Variants in PIAS3 observed in about 807,000 individuals in gnomAD.
The protein encoded by PIAS3 is protein inhibitor of activated STAT 3, also known as E3 SUMO-protein ligase PIAS3.
A neutral mutation model predicts 67.6 loss-of-function variants in PIAS3; 34 were observed. The ratio of observed to expected loss-of-function variants is 0.50; its 90% CI spans 0.38 to 0.67. PIAS3 has a LOEUF of 0.67. Ranked by LOEUF, PIAS3 falls within the 30% of genes least tolerant of loss-of-function variation. The pLI is 0.00. For missense variants in PIAS3, 693 were observed against 791.6 expected (o/e 0.88, Z 1.49); for synonymous variants, 341 against 313.8 (o/e 1.09, Z -0.92).
Position 145,851,060 on chromosome 1 carries a change from C to T in PIAS3, c.1239G>A (p.Glu413=), listed in dbSNP as rs1331438833. The change falls in exon 10 of 14, where the codon GAG becomes GAA. Residue 413 remains glutamate (E), a synonymous_variant. Coordinates refer to ENST00000393045, the MANE Select transcript of PIAS3 (RefSeq NM_006099.3). ...CTGGCGGGGGGCAAACCTCAGATGC[C>T]TCCTTCTTGGGTTTCATTGGGCACC... ...GSWCPMKPKK[E]ASEVCPPPGY... is the part of the protein sequence containing the mutation. 7 of 1,614,060 alleles carry T rather than the reference C, an allele frequency of 4.3e-6. No individual in the cohort carries two copies. The highest frequency in any genetic ancestry group is 5.9e-6 in the Non-Finnish European group (7 of 1,180,040).
Position 145,850,490 on chromosome 1 carries a change from C to T in PIAS3, c.1545G>A (p.Glu515=), listed in dbSNP as rs1570771539. 6.2e-7 allele frequency: 1 copy of T among 1,614,170 alleles called. No individual in the cohort carries two copies. The highest frequency in any genetic ancestry group is 1.3e-5 in the African/African-American group (1 of 75,032). ...CTCCCAGTGGGAAGGCAGGTGGGTA[C>T]TCATGTAGTGGGAGACTGGACAGGA... The part of the protein sequence containing the change: ...GDFLSSLPLH[E]YPPAFPLGAD... Residue 515 remains glutamate, a synonymous_variant, in exon 12 of 14, where the codon GAG becomes GAA. Coordinates refer to ENST00000393045, the MANE Select transcript of PIAS3 (RefSeq NM_006099.3).
In PIAS3 at chr1:145,848,554, T is replaced by C; in HGVS notation, c.*892A>G. On this transcript the variant is annotated 3_prime_UTR_variant, in exon 14 of 14. Transcript: ENST00000393045. ...CACAACCTTTATTATGGGTGAGAGC[T>C]TCACTACAACTTTAGAAATAAAAAG... 9.9e-7 allele frequency: 1 copy of C among 1,005,944 alleles called. No individual in the cohort carries two copies. The highest frequency in any genetic ancestry group is 1.4e-5 in the South Asian group (1 of 69,434). 62.3% of individuals were successfully genotyped at this position (1,005,944 alleles called of 1,614,324 possible).
chr1:145,854,350 A>C (rs782196789), intron 7 of PIAS3, 108 bp downstream of exon 7: 10 of 748,146 alleles, frequency 1.3e-5, no homozygotes, highest in Non-Finnish European at 2.1e-5. Flanking sequence ...TCATGTGAGA[A>C]GGGGAGTAAG....
intron 10 of PIAS3, 24 bp from the exon 11 acceptor site, chr1:145,850,963 T>A (rs1553734220): frequency 6.2e-7 from 1 of 1,614,076 alleles, no homozygotes; most frequent in Admixed American, 1.7e-5. Flanking sequence ...GAAGACTACG[T>A]CTCAGAGAAG....
intron 1 of PIAS3, among the ~76,000 whole-genome samples, chr1:145,858,193 T>C (rs1653270501): frequency 6.6e-6 from 1 of 152,126 alleles, no homozygotes; most frequent in South Asian, 2.1e-4. Flanking sequence ...CCTACACAAT[T>C]CTTCTCATAG....
chr1:145,853,385 G>A (rs1347050957), intron 9 of PIAS3, 119 bp downstream of exon 9: 2 of 790,428 alleles, frequency 2.5e-6, no homozygotes, highest in Non-Finnish European at 3.8e-6. Flanking sequence ...ACTCCAGCCT[G>A]GGGAACAGAG....
In PIAS3 at chr1:145,854,446, G is replaced by A. The variant is rs782421349; in HGVS notation, c.910+12C>T. 2.5e-6 allele frequency: 4 copies of A among 1,569,710 alleles called. No individual in the cohort carries two copies. The highest frequency in any genetic ancestry group is 3.5e-6 in the Non-Finnish European group (4 of 1,139,570). On this transcript the variant is annotated intron_variant, in intron 7 of 13. Coordinates refer to ENST00000393045, the MANE Select transcript of PIAS3 (RefSeq NM_006099.3). ...CAGATCAGGTGGGGAAGAGAGGAAAGATGTTACTCACTCAGTGCCCGCGAG... is the reference window on the plus strand; with the variant it reads ...CAGATCAGGTGGGGAAGAGAGGAAAAATGTTACTCACTCAGTGCCCGCGAG...
rs782530862 is a variant in PIAS3, at chr1:145,854,806, A to G, written c.744T>C (p.Ala248=). 6.2e-7 allele frequency: 1 copy of G among 1,614,166 alleles called. No homozygotes were observed. Among genetic ancestry groups the G allele is most frequent in the Admixed American group, 1.7e-5 (1 of 60,012 alleles). ...PSRPINITPL[A]RLSATVPNTI... is the part of the protein sequence containing the mutation. ...TGTTGGGAACAGTGGCTGAGAGTCG[A>G]GCCAGGGGTGTGATGTTGATGGGGC... is the stretch of plus-strand genomic sequence containing the variant. The change falls in exon 6 of 14, where the codon GCT becomes GCC. Residue 248 remains alanine (A), a synonymous_variant. Coordinates refer to ENST00000393045, the MANE Select transcript of PIAS3 (RefSeq NM_006099.3).
intron 11 of PIAS3, 31 bp downstream of exon 11, chr1:145,850,740 T>A: frequency 6.2e-7 from 1 of 1,611,924 alleles, no homozygotes; most frequent in Non-Finnish European, 8.5e-7. Context: ...CCCTGTCCGT[T>A]TTGCTGTAGA....
Position 145,849,442 on chromosome 1 carries a change from G to A in PIAS3, c.*4C>T, listed in dbSNP as rs1553733542. On this transcript the variant is annotated 3_prime_UTR_variant, in exon 14 of 14. Coordinates refer to ENST00000393045, the MANE Select transcript of PIAS3 (RefSeq NM_006099.3). Reference sequence around the variant, plus strand: ...GACAGCGAAGTTTCCATAATCCAGGGAACTCAGTCCAGGGAAATGATGTCT... The same window carrying A: ...GACAGCGAAGTTTCCATAATCCAGGAAACTCAGTCCAGGGAAATGATGTCT... 2 of 1,487,526 alleles carry A rather than the reference G, an allele frequency of 1.3e-6. No individual in the cohort carries two copies. Among genetic ancestry groups the A allele is most frequent in the Admixed American group, 4.8e-5 (2 of 41,332 alleles). The allele number at this position is 1,487,526 out of a possible 1,614,324, so 92.1% of individuals were successfully genotyped here. A position where few individuals can be genotyped will look rare whatever the true frequency, so the allele number is the denominator to read the frequency against.
Position 145,849,626 on chromosome 1 carries a change from A to G in PIAS3, c.1707T>C (p.Phe569=). 1 of 1,613,492 alleles carries G rather than the reference A, an allele frequency of 6.2e-7. No homozygotes were observed. The highest frequency in any genetic ancestry group is 8.5e-7 in the Non-Finnish European group (1 of 1,179,730). Residue 569 remains phenylalanine (F), a synonymous_variant, in exon 14 of 14, where the codon TTT becomes TTC. Coordinates refer to ENST00000393045, the MANE Select transcript of PIAS3 (RefSeq NM_006099.3). ...FFQYRGTPSH[F]LGPLAPTLGS... is the part of the protein sequence containing the mutation. ...CCAGCGTGGGGGCCAGTGGGCCCAG[A>G]AAGTGAGAAGGGGTCCCTCGGTACT...
intron 9 of PIAS3, 80 bp downstream of exon 9, chr1:145,853,420 AAAAG>A (rs1321390485): frequency 7.2e-5 from 86 of 1,191,866 alleles, no homozygotes; most frequent in Non-Finnish European, 9.1e-5. Context: ...AAAAAAAAAA[AAAAG>A]AAAAGAAAAA....
In PIAS3 at chr1:145,849,425, A is replaced by C; in HGVS notation, c.*21T>G. On this transcript the variant is annotated 3_prime_UTR_variant, in exon 14 of 14. Coordinates refer to ENST00000393045, the MANE Select transcript of PIAS3 (RefSeq NM_006099.3). ...CTTGCTCAGTGTTGGGGGACAGCGA[A>C]GTTTCCATAATCCAGGGAACTCAGT... 1 of 1,478,750 alleles carries C rather than the reference A, an allele frequency of 6.8e-7. No homozygotes were observed. Among genetic ancestry groups the C allele is most frequent in the Non-Finnish European group, 8.9e-7 (1 of 1,120,480 alleles). The allele number at this position is 1,478,750 out of a possible 1,614,324, so 91.6% of individuals were successfully genotyped here.
intron 9 of PIAS3, among the ~76,000 whole-genome samples, chr1:145,852,408 G>A (rs587769933): frequency 1.3e-5 from 2 of 152,294 alleles, no homozygotes; most frequent in East Asian, 1.9e-4. Context: ...GGGAAGTCAG[G>A]TAGTTGTTAT....
At position 145,849,685 on chromosome 1, in the gene PIAS3, G is replaced by A; in HGVS notation, c.1648C>T (p.Leu550=). The change falls in exon 14 of 14, where the codon CTA becomes TTA. Residue 550 remains leucine (L), a synonymous_variant. Coordinates refer to ENST00000393045, the MANE Select transcript of PIAS3 (RefSeq NM_006099.3). ...TGGCCAAGGGCATCCTGTTCATCTA[G>A]TGAGGTGATGACAGAGGGGCCATAG... The part of the protein sequence containing the change: ...QHYGPSVITS[L]DEQDALGHFF... 1 of 1,609,906 alleles carries A rather than the reference G, an allele frequency of 6.2e-7. No individual in the cohort carries two copies. The highest frequency in any genetic ancestry group is 8.5e-7 in the Non-Finnish European group (1 of 1,178,068).
chr1:145,849,388 C>T lies in PIAS3; in HGVS notation c.*58G>A. 5.6e-6 allele frequency: 8 copies of T among 1,433,370 alleles called. No individual in the cohort carries two copies. The highest frequency in any genetic ancestry group is 7.3e-6 in the Non-Finnish European group (8 of 1,099,434). The allele number at this position is 1,433,370 out of a possible 1,614,324, so 88.8% of individuals were successfully genotyped here. A position where few individuals can be genotyped will look rare whatever the true frequency, so the allele number is the denominator to read the frequency against. The stretch of plus-strand genomic sequence containing the variant: ...GGGATCAGAGTAGCTGGGGTTGGGA[C>T]TCCACAGCATACTTGCTCAGTGTTG... On this transcript the variant is annotated 3_prime_UTR_variant, in exon 14 of 14. Coordinates refer to ENST00000393045, the MANE Select transcript of PIAS3 (RefSeq NM_006099.3).
chr1:145,850,425 AG>A, intron 12 of PIAS3, 27 bp downstream of exon 12: 2 of 1,613,530 alleles, frequency 1.2e-6, no homozygotes, highest in South Asian at 1.1e-5. Context: ...GTGGCAGTGC[AG>A]GGTCCATCTT....
In PIAS3 at chr1:145,849,635, A is replaced by C; in HGVS notation, c.1698T>G (p.Pro566=). ...LGHFFQYRGT[P]SHFLGPLAPT... ...GGGCCAGTGGGCCCAGAAAGTGAGA[A>C]GGGGTCCCTCGGTACTGGAAGAAGT... is the stretch of plus-strand genomic sequence containing the variant. Residue 566 remains proline (P), a synonymous_variant, in exon 14 of 14, where the codon CCT becomes CCG. Coordinates refer to ENST00000393045, the MANE Select transcript of PIAS3 (RefSeq NM_006099.3). 6.2e-7 allele frequency: 1 copy of C among 1,613,390 alleles called. No individual in the cohort carries two copies. Among genetic ancestry groups the C allele is most frequent in the East Asian group, 2.2e-5 (1 of 44,790 alleles).
chr1:145,857,090 C>T (rs1434071992), intron 1 of PIAS3, 84 bp from the exon 2 acceptor site: 3 of 1,190,346 alleles, frequency 2.5e-6, no homozygotes, highest in Non-Finnish European at 2.4e-6. Flanking sequence ...ACCAGGTGGG[C>T]AGTGCCTTTC....
Sources: gnomAD v4.1 joint callset for allele counts (sites outside exome capture counted in the v4.1 genomes callset) on GRCh38, gnomAD v4.1.1 for gene constraint, MANE v1.5 for transcripts, NCBI Gene and HGNC (gene_info 2026-07-23, HGNC 2026-07-21) for gene names.